Variants in PTPRD observed in about 807,000 individuals in gnomAD.
The protein encoded by PTPRD is protein tyrosine phosphatase receptor type D, also known as receptor-type tyrosine-protein phosphatase delta.
A neutral mutation model predicts 214.5 loss-of-function variants in PTPRD; 34 were observed. The ratio of observed to expected loss-of-function variants is 0.16; its 90% CI spans 0.12 to 0.21. The LOEUF is 0.21. PTPRD is among the 10% of genes least tolerant of loss of function. The pLI, the probability that PTPRD is intolerant of heterozygous loss-of-function variation, is 1.00. For synonymous variants in PTPRD, 1,128 were observed against 845.7 expected (o/e 1.33, Z -5.79); for missense variants, 2,545 against 2,398.7 (o/e 1.06, Z -1.27).
chr9:9,246,611 T>G (rs543222431), intron 9 of PTPRD, among the ~76,000 whole-genome samples: 1 of 152,202 alleles, frequency 6.6e-6, no homozygotes, highest in African/African-American at 2.4e-5. Flanking sequence ...TGCTTTTCTT[T>G]CATTTTCATA....
intron 8 of PTPRD, among the ~76,000 whole-genome samples, chr9:9,495,590 G>C (rs996098148): frequency 1.3e-5 from 2 of 152,032 alleles, no homozygotes; most frequent in East Asian, 1.9e-4. Context: ...ACTAGACCTC[G>C]GGGAAGAGAC....
At chr9:9,994,549 G>C (rs1201074282) in intron 4 of PTPRD, among the ~76,000 whole-genome samples, 2 of 151,912 alleles carry the variant, frequency 1.3e-5, no homozygotes, top group Admixed American at 1.3e-4. Context: ...AACACAATCT[G>C]TTAAAGGACA....
intron 10 of PTPRD, among the ~76,000 whole-genome samples, chr9:9,114,654 A>G (rs1480358506): frequency 1.3e-5 from 2 of 152,090 alleles, no homozygotes; most frequent in Non-Finnish European, 2.9e-5. Context: ...CCTTCCCCCG[A>G]CAAAGATTTC....
At chr9:9,560,011 G>A (rs183695227) in intron 8 of PTPRD, among the ~76,000 whole-genome samples, 2 of 152,242 alleles carry the variant, frequency 1.3e-5, no homozygotes, top group Non-Finnish European at 2.9e-5. Flanking sequence ...CCGGTTGTCC[G>A]GTGCCCCCTC....
intron 30 of PTPRD, among the ~76,000 whole-genome samples, chr9:8,476,118 G>C (rs964961663): frequency 1.3e-5 from 2 of 152,200 alleles, no homozygotes; most frequent in Middle Eastern, 3.4e-3. Context: ...CAGTGGTTCC[G>C]AGCCTTTTTG....
intron 10 of PTPRD, among the ~76,000 whole-genome samples, chr9:9,114,809 A>G (rs751712228): frequency 4.6e-5 from 7 of 152,084 alleles, no homozygotes; most frequent in Non-Finnish European, 7.4e-5. Flanking sequence ...GTTCGTATGC[A>G]TCTATGGGCC....
At chr9:10,597,375 T>A (rs958005052) in intron 2 of PTPRD, among the ~76,000 whole-genome samples, 1 of 151,928 alleles carries the variant, frequency 6.6e-6, no homozygotes, top group East Asian at 1.9e-4. Flanking sequence ...CGAATGAATA[T>A]GCTTTGAGCA....
At chr9:9,411,184 G>C (rs1194503727) in intron 8 of PTPRD, among the ~76,000 whole-genome samples, 1 of 150,854 alleles carries the variant, frequency 6.6e-6, no homozygotes, top group Non-Finnish European at 1.5e-5. Flanking sequence ...GACATAGTTT[G>C]TGTTCCTATT....
chr9:8,764,805 A>T (rs1599071604), intron 11 of PTPRD, among the ~76,000 whole-genome samples: 1 of 100,802 alleles, frequency 9.9e-6, no homozygotes, highest in African/African-American at 3.2e-5. Context: ...TAATAATAAT[A>T]ATGATAATAA....
At chr9:9,842,298 A>ATTTT (rs138386194) in intron 5 of PTPRD, among the ~76,000 whole-genome samples, 3,492 of 91,284 alleles carry the variant, frequency 0.038, 340 homozygotes, top group African/African-American at 0.055. Context: ...GAAGGAGAGC[A>ATTTT]TTTTTTTTTT....
At chr9:10,064,517 A>G (rs2154172613) in intron 3 of PTPRD, among the ~76,000 whole-genome samples, 1 of 152,062 alleles carries the variant, frequency 6.6e-6, no homozygotes, top group Admixed American at 6.6e-5. Context: ...CCATCAGGGG[A>G]TTGTGGTTAA....
intron 5 of PTPRD, among the ~76,000 whole-genome samples, chr9:9,818,493 G>C (rs531592534): frequency 6.2e-4 from 95 of 152,228 alleles, no homozygotes; most frequent in Admixed American, 2.6e-3. Context: ...ATGTTACTAG[G>C]AGAAATAATA....
chr9:10,096,769 T>A (rs2154208374), intron 3 of PTPRD, among the ~76,000 whole-genome samples: 1 of 152,182 alleles, frequency 6.6e-6, no homozygotes, highest in Admixed American at 6.6e-5. Context: ...CAATTTTGGC[T>A]TTTGTTGCCA....
chr9:9,781,503 A>T (rs753532128), intron 5 of PTPRD, among the ~76,000 whole-genome samples: 9 of 152,200 alleles, frequency 5.9e-5, no homozygotes, highest in Non-Finnish European at 1.3e-4. Flanking sequence ...GATCTAATTG[A>T]CCAATAATAT....
intron 3 of PTPRD, among the ~76,000 whole-genome samples, chr9:10,284,593 T>C (rs2059576279): frequency 3.9e-5 from 6 of 152,236 alleles, no homozygotes; most frequent in Admixed American, 3.3e-4. Context: ...ATAGTTCTTG[T>C]GGGTCAGAAA....
At chr9:9,575,880 T>C (rs1268127379) in intron 7 of PTPRD, among the ~76,000 whole-genome samples, 1 of 151,874 alleles carries the variant, frequency 6.6e-6, no homozygotes, top group Non-Finnish European at 1.5e-5. Context: ...ATCAAGTTTG[T>C]TTAATGCTTG....
chr9:8,499,161 T>G (rs2097341651), intron 25 of PTPRD, among the ~76,000 whole-genome samples: 1 of 152,184 alleles, frequency 6.6e-6, no homozygotes, highest in African/African-American at 2.4e-5. Context: ...ATATGTAATT[T>G]GATGAAGAAG....
chr9:10,179,984 AATAAG>A (rs1179742439), intron 3 of PTPRD, among the ~76,000 whole-genome samples: 1 of 152,146 alleles, frequency 6.6e-6, no homozygotes, highest in African/African-American at 2.4e-5. Context: ...AAAAAGTTGA[AATAAG>A]ATATGACAAC....
chr9:9,150,656 T>A (rs2099875999), intron 10 of PTPRD, among the ~76,000 whole-genome samples: 1 of 151,848 alleles, frequency 6.6e-6, no homozygotes, highest in Non-Finnish European at 1.5e-5. Context: ...TTTTTGTATT[T>A]TCAGTACAGA....
Sources: gnomAD v4.1 joint callset for allele counts (sites outside exome capture counted in the v4.1 genomes callset) on GRCh38, gnomAD v4.1.1 for gene constraint, MANE v1.5 for transcripts, NCBI Gene and HGNC (gene_info 2026-07-23, HGNC 2026-07-21) for gene names.